The following DNAH11 variants were observed in gnomAD, a reference collection of about 807,000 sequenced individuals.
DNAH11 encodes the protein dynein axonemal heavy chain 11.
In DNAH11, 442 loss-of-function variants were observed where a neutral mutation model predicts 526.0. That is an observed-to-expected ratio of 0.84 (90% confidence interval 0.78 to 0.91). The LOEUF (loss-of-function observed/expected upper bound fraction) is 0.91, where lower values mean the gene tolerates loss of function less well. Ranked by LOEUF, DNAH11 falls within the 40% of genes least tolerant of loss-of-function variation. The probability of loss-of-function intolerance (pLI) is 0.00; values close to 1 mark genes in which losing one functional copy is unlikely to be tolerated. For synonymous variants in DNAH11, 2,461 were observed against 1,935.9 expected, an observed-to-expected ratio of 1.27 and a Z score of -7.12; for missense variants, 6,989 against 5,448.7, an observed-to-expected ratio of 1.28 and a Z score of -8.90.
Position 21,681,611 on chromosome 7 carries a change from G to A in DNAH11, c.5394G>A (p.Lys1798=), listed in dbSNP as rs1214029970. The change falls in exon 31 of 82, where the codon AAG becomes AAA. Residue 1798 remains lysine (K), a synonymous_variant. Coordinates refer to ENST00000409508, the MANE Select transcript of DNAH11 (RefSeq NM_001277115.2). The stretch of plus-strand genomic sequence containing the variant: ...AACTTCCACCTGGAGACAGACAGAA[G>A]ATCATGACAATTTGTACCATAGATG... ...LGELPPGDRQ[K]IMTICTIDVH... is the part of the protein sequence containing the mutation. 1 of 1,613,842 alleles carries A rather than the reference G, an allele frequency of 6.2e-7. No homozygotes were observed. The highest frequency in any genetic ancestry group is 8.5e-7 in the Non-Finnish European group (1 of 1,179,784).
chr7:21,630,994 C>T (rs765864816), intron 25 of DNAH11, among the ~76,000 whole-genome samples: 86 of 152,032 alleles, frequency 5.7e-4, no homozygotes, highest in African/African-American at 1.7e-3. Context: ...CTCCTGATAA[C>T]GACATACCCA....
intron 18 of DNAH11, among the ~76,000 whole-genome samples, chr7:21,603,368 A>G (rs1455929744): frequency 6.6e-6 from 1 of 152,172 alleles, no homozygotes; most frequent in African/African-American, 2.4e-5. Context: ...GCTGCTATGA[A>G]CACTGGTGTG....
rs76527551 is a variant in DNAH11, at chr7:21,868,379, C to G, written c.11839+372C>G. On this transcript the variant is annotated intron_variant, in intron 72 of 81. Transcript: ENST00000409508. ...CTGTCGCCTTTGTGTTCTGGATTAC[C>G]ATTCCCCACGGCCTGCACCAAGAAT... 9.5e-4 allele frequency among the ~76,000 whole-genome samples: 144 copies of G among 152,122 alleles called. No homozygotes were observed. In the East Asian group the frequency reaches 0.016, roughly 17 times the overall value.
intron 54 of DNAH11, among the ~76,000 whole-genome samples, chr7:21,758,192 C>T (rs549205081): frequency 2.0e-5 from 3 of 152,302 alleles, no homozygotes; most frequent in East Asian, 3.9e-4. Flanking sequence ...AGGACCACAT[C>T]GCTCTGGATA....
chr7:21,588,087 T>A lies in DNAH11; in HGVS notation c.1734T>A (p.Phe578Leu). 1 of 1,613,326 alleles carries A rather than the reference T, an allele frequency of 6.2e-7. No homozygotes were observed. The highest frequency in any genetic ancestry group is 8.5e-7 in the Non-Finnish European group (1 of 1,179,658). The change falls in exon 10 of 82, where the codon TTT becomes TTA. Residue 578 changes from phenylalanine to leucine, a missense_variant. Physicochemically the swap from Phe to Leu is conservative, Grantham distance 22. Transcript: ENST00000409508. ...AGCTTTTGACCATATTTGGAAATTT[T>A]CTAGAGAAGCCAGTTGTCATGGAAA... ...AFKLLTIFGN[F>L]LEKPVVMEIF...
chr7:21,664,886 A>T (rs536473120), intron 30 of DNAH11, among the ~76,000 whole-genome samples: 1 of 152,242 alleles, frequency 6.6e-6, no homozygotes, highest in South Asian at 2.1e-4. Context: ...GCCTTGCTTG[A>T]GGGAGTATGA....
chr7:21,745,437 C>A (rs1334577050), intron 51 of DNAH11, among the ~76,000 whole-genome samples: 1 of 152,122 alleles, frequency 6.6e-6, no homozygotes, highest in Non-Finnish European at 1.5e-5. Context: ...TGTGCAAATT[C>A]TTTAAAATGG....
intron 68 of DNAH11, among the ~76,000 whole-genome samples, chr7:21,856,367 T>G (rs4719678): frequency 0.48 from 72,843 of 152,006 alleles, 19,938 homozygotes; most frequent in Non-Finnish European, 0.63. Flanking sequence ...CAAGCATAAC[T>G]AGCAGGTTTC....
At chr7:21,661,246 A>T (rs1215401086) in intron 30 of DNAH11, among the ~76,000 whole-genome samples, 1 of 152,050 alleles carries the variant, frequency 6.6e-6, no homozygotes, top group Non-Finnish European at 1.5e-5. Context: ...ATTTACCAAC[A>T]TATTTACCAA....
At chr7:21,639,201 T>G in intron 28 of DNAH11, 136 bp downstream of exon 28, 1 of 1,103,962 alleles carries the variant, frequency 9.1e-7, no homozygotes, top group Non-Finnish European at 1.2e-6. Context: ...ATTTGTAATG[T>G]AGCATCAGAG....
intron 9 of DNAH11, among the ~76,000 whole-genome samples, chr7:21,586,388 A>C (rs1784478867): frequency 6.6e-6 from 1 of 152,240 alleles, no homozygotes; most frequent in Non-Finnish European, 1.5e-5. Context: ...GTGGGAAGAA[A>C]GTTAATCATT....
chr7:21,746,843 A>G (rs552852040), intron 51 of DNAH11, among the ~76,000 whole-genome samples: 1 of 152,234 alleles, frequency 6.6e-6, no homozygotes, highest in East Asian at 1.9e-4. Flanking sequence ...TGTTAAATCA[A>G]CTATTAGTAA....
chr7:21,765,453 G>T lies in DNAH11; in HGVS notation c.8966G>T (p.Gly2989Val). 2 of 1,613,808 alleles carry T rather than the reference G, an allele frequency of 1.2e-6. No homozygotes were observed. Among genetic ancestry groups the T allele is most frequent in the Non-Finnish European group, 1.7e-6 (2 of 1,179,804 alleles). The change falls in exon 55 of 82, where the codon GGT (glycine) becomes GTT (valine). Residue 2989 changes from glycine (G) to valine (V), a missense_variant. By Grantham distance (109) the Gly-to-Val change is moderately radical. Transcript: ENST00000409508. ...ATCATTTTGTGTTTCTCTCCAGTTGGTCGCACGCTGAGAGTTAGAGCTCGG... is the reference window on the plus strand; with the variant it reads ...ATCATTTTGTGTTTCTCTCCAGTTGTTCGCACGCTGAGAGTTAGAGCTCGG... Reference protein sequence around the residue: ...LKIILCFSPVGRTLRVRARKF... With the variant: ...LKIILCFSPVVRTLRVRARKF...
At chr7:21,544,941 G>A (rs953505964) in intron 1 of DNAH11, 65 bp from the exon 2 acceptor site, 30 of 1,365,306 alleles carry the variant, frequency 2.2e-5, no homozygotes, top group Non-Finnish European at 2.8e-5. Context: ...CTACAAGTTG[G>A]ATATAGTAAA....
intron 36 of DNAH11, among the ~76,000 whole-genome samples, chr7:21,701,462 G>T (rs1784056781): frequency 6.6e-6 from 1 of 151,858 alleles, no homozygotes; most frequent in African/African-American, 2.4e-5. Flanking sequence ...GCTAATTTTT[G>T]TATTTTTTGC....
intron 76 of DNAH11, among the ~76,000 whole-genome samples, chr7:21,889,811 G>A (rs1005182129): frequency 6.6e-6 from 1 of 152,150 alleles, no homozygotes; most frequent in African/African-American, 2.4e-5. Flanking sequence ...GCTCTACAAT[G>A]ATGGCCCCAT....
At chr7:21,661,103 C>T (rs1381558593) in intron 30 of DNAH11, among the ~76,000 whole-genome samples, 1 of 152,064 alleles carries the variant, frequency 6.6e-6, no homozygotes. Flanking sequence ...CTTAACGTCT[C>T]TCCTCAAGAA....
At chr7:21,703,596 G>A (rs370495656) in intron 37 of DNAH11, 7 of 152,080 alleles carry the variant, frequency 4.6e-5, no homozygotes, top group South Asian at 2.1e-4. Flanking sequence ...ATCGGATCTC[G>A]TGAGAACAGC....
rs558194350 is a variant in DNAH11, at chr7:21,629,918, G to A, written c.4501-5953G>A. Among the ~76,000 whole-genome samples, 18 of 152,174 alleles carry A rather than the reference G, an allele frequency of 1.2e-4. No individual in the cohort carries two copies. The South Asian group carries it at 3.3e-3, about 28-fold the overall frequency. On this transcript the variant is annotated intron_variant, in intron 25 of 81. Coordinates refer to ENST00000409508, the MANE Select transcript of DNAH11 (RefSeq NM_001277115.2). ...TTGGATAATTGAGTCCATTTATGGT[G>A]AGTGTTGTTATTAAGGACTTATTAC... is the stretch of plus-strand genomic sequence containing the variant.
Sources: allele counts gnomAD v4.1 joint callset (sites outside exome capture counted in the v4.1 genomes callset), GRCh38; gene constraint gnomAD v4.1.1; transcripts MANE v1.5; gene names NCBI Gene and HGNC (gene_info 2026-07-23, HGNC 2026-07-21).